PITPNC1: variants seen among roughly 807,000 people sequenced by gnomAD.
The protein encoded by PITPNC1 is phosphatidylinositol transfer protein cytoplasmic 1.
In PITPNC1, 18 loss-of-function variants were observed where a neutral mutation model predicts 44.7. The observed-to-expected ratio is 0.40, with a 90% confidence interval of 0.28 to 0.60. PITPNC1 has a LOEUF of 0.60. Ranked by LOEUF, PITPNC1 falls within the 20% of genes least tolerant of loss-of-function variation. The pLI, the probability that PITPNC1 is intolerant of heterozygous loss-of-function variation, is 0.39. For missense variants in PITPNC1, 290 were observed against 418.4 expected (o/e 0.69, Z 2.68); for synonymous variants, 141 against 149.6 (o/e 0.94, Z 0.42).
chr17:67,450,686 C>CA (rs1182257935), intron 1 of PITPNC1, among the ~76,000 whole-genome samples: 1 of 152,180 alleles, frequency 6.6e-6, no homozygotes, highest in Non-Finnish European at 1.5e-5. Context: ...ATCAGACTCC[C>CA]AGAGTGCTGG....
At chr17:67,392,680 G>C (rs1196186269) in intron 1 of PITPNC1, among the ~76,000 whole-genome samples, 1 of 152,104 alleles carries the variant, frequency 6.6e-6, no homozygotes. Context: ...GATTCCCCAG[G>C]GGAGAGTCAA....
At position 67,403,662 on chromosome 17, in the gene PITPNC1, C is replaced by A. The variant is rs1320762538; in HGVS notation, c.48+25460C>A. On this transcript the variant is annotated intron_variant, in intron 1 of 8. Transcript: ENST00000581322. Reference sequence around the variant, plus strand: ...GATCCTATTATCTTCATTTAACAGACGTGGAAATTGAGGCTTAGAGGATTT... The same window carrying A: ...GATCCTATTATCTTCATTTAACAGAAGTGGAAATTGAGGCTTAGAGGATTT... 6.6e-5 allele frequency among the ~76,000 whole-genome samples: 10 copies of A among 152,200 alleles called. No homozygotes were observed. In the South Asian group the frequency reaches 2.1e-3, roughly 32 times the overall value.
intron 1 of PITPNC1, among the ~76,000 whole-genome samples, chr17:67,407,124 C>T (rs186756896): frequency 1.4e-3 from 210 of 152,286 alleles, no homozygotes; most frequent in African/African-American, 4.7e-3. Flanking sequence ...TTTACATTCC[C>T]ACCTACAGTG....
At chr17:67,586,939 A>C (rs1442875867) in intron 5 of PITPNC1, among the ~76,000 whole-genome samples, 2 of 152,102 alleles carry the variant, frequency 1.3e-5, no homozygotes, top group African/African-American at 4.8e-5. Context: ...GAGGATAAAG[A>C]GGGGAGGAAG....
chr17:67,550,065 C>A (rs1227899972), intron 2 of PITPNC1, among the ~76,000 whole-genome samples: 1 of 152,174 alleles, frequency 6.6e-6, no homozygotes, highest in Non-Finnish European at 1.5e-5. Context: ...GAGTTGCACT[C>A]CAACTTCGGT....
At chr17:67,420,515 C>T (rs887476581) in intron 1 of PITPNC1, among the ~76,000 whole-genome samples, 2 of 151,836 alleles carry the variant, frequency 1.3e-5, no homozygotes, top group Non-Finnish European at 2.9e-5. Flanking sequence ...TCACTGCAAC[C>T]TCCACCTCCT....
chr17:67,591,876 A>ATTT (rs573013337), intron 5 of PITPNC1, among the ~76,000 whole-genome samples: 25 of 139,894 alleles, frequency 1.8e-4, no homozygotes, highest in African/African-American at 5.3e-4. Flanking sequence ...TGCCCAGCTA[A>ATTT]TTTTTTTTTT....
intron 1 of PITPNC1, among the ~76,000 whole-genome samples, chr17:67,458,135 T>C (rs1389954694): frequency 6.6e-6 from 1 of 152,182 alleles, no homozygotes; most frequent in Non-Finnish European, 1.5e-5. Flanking sequence ...TACCCAGTAC[T>C]CCTTTCTTCT....
rs180845311 is a variant in PITPNC1, at chr17:67,544,854, T to C, written c.198-7403T>C. Among the ~76,000 whole-genome samples, 320 of 152,288 alleles carry C rather than the reference T, an allele frequency of 2.1e-3. 1 individual carries two copies. Among genetic ancestry groups the C allele is most frequent in the African/African-American group, 7.4e-3 (308 of 41,550 alleles). On this transcript the variant is annotated intron_variant, in intron 2 of 8. Transcript: ENST00000581322. ...CCAAAATAAGCTCAGTGCCCAGAACTTGTGTGGCTTTGGGATATTCCACTG... is the reference window on the plus strand; with the variant it reads ...CCAAAATAAGCTCAGTGCCCAGAACCTGTGTGGCTTTGGGATATTCCACTG...
chr17:67,600,196 A>G (rs978019733), intron 5 of PITPNC1, among the ~76,000 whole-genome samples: 1 of 152,148 alleles, frequency 6.6e-6, no homozygotes, highest in African/African-American at 2.4e-5. Flanking sequence ...TTCTGCTCTT[A>G]GAAGGCAACT....
intron 1 of PITPNC1, among the ~76,000 whole-genome samples, chr17:67,381,326 CAA>C (rs1221190761): frequency 4.1e-4 from 21 of 51,126 alleles, no homozygotes; most frequent in Admixed American, 4.8e-4. Context: ...AGACTCCACT[CAA>C]AAAAAAAAAA....
intron 5 of PITPNC1, among the ~76,000 whole-genome samples, chr17:67,608,234 T>TAA (rs150137801): frequency 0.057 from 7,003 of 122,202 alleles, 232 homozygotes; most frequent in Admixed American, 0.11. Flanking sequence ...AAATGTCAAT[T>TAA]AAAAAAAAAA....
intron 8 of PITPNC1, among the ~76,000 whole-genome samples, chr17:67,689,382 G>A (rs965436466): frequency 5.3e-5 from 8 of 152,084 alleles, no homozygotes; most frequent in African/African-American, 9.7e-5. Context: ...GCCTGCCACC[G>A]GAGAAGTTAC....
chr17:67,440,450 C>T (rs2038996918), intron 1 of PITPNC1, among the ~76,000 whole-genome samples: 1 of 152,006 alleles, frequency 6.6e-6, no homozygotes, highest in South Asian at 2.1e-4. Context: ...ATTACTCAAC[C>T]TCTGTAACTT....
In PITPNC1 at chr17:67,412,402, G is replaced by A. The variant is rs182520727; in HGVS notation, c.48+34200G>A. The stretch of plus-strand genomic sequence containing the variant: ...TGGAATTAGCCAAGTTCTCCAACTC[G>A]ACTGGAGACTAGGTTAAAATCTCAA... On this transcript the variant is annotated intron_variant, in intron 1 of 8. Transcript: ENST00000581322. 4.6e-5 allele frequency among the ~76,000 whole-genome samples: 7 copies of A among 152,166 alleles called. No homozygotes were observed. The South Asian group carries it at 1.2e-3, about 27-fold the overall frequency.
intron 1 of PITPNC1, among the ~76,000 whole-genome samples, chr17:67,433,797 G>A (rs537791535): frequency 7.2e-5 from 11 of 152,086 alleles, no homozygotes; most frequent in Non-Finnish European, 1.5e-4. Flanking sequence ...GGAGGCTGAC[G>A]CAGGAGGATC....
chr17:67,482,732 C>T (rs866188196), intron 1 of PITPNC1, among the ~76,000 whole-genome samples: 10 of 152,222 alleles, frequency 6.6e-5, no homozygotes, highest in Middle Eastern at 3.4e-3. Flanking sequence ...CCCCATAAGG[C>T]GAGAATTATT....
intron 6 of PITPNC1, among the ~76,000 whole-genome samples, chr17:67,654,623 C>T (rs570178830): frequency 6.6e-6 from 1 of 152,224 alleles, no homozygotes; most frequent in East Asian, 1.9e-4. Flanking sequence ...CTTGCAACAA[C>T]CCGCAAGGAA....
chr17:67,532,716 T>C (rs2040479128), intron 1 of PITPNC1, 86 bp from the exon 2 acceptor site: 2 of 1,073,346 alleles, frequency 1.9e-6, no homozygotes, highest in South Asian at 1.6e-5. Flanking sequence ...GCTGATGTTA[T>C]TAGTGGCTTG....
Sources: allele counts gnomAD v4.1 joint callset (sites outside exome capture counted in the v4.1 genomes callset), GRCh38; gene constraint gnomAD v4.1.1; transcripts MANE v1.5; gene names NCBI Gene and HGNC (gene_info 2026-07-23, HGNC 2026-07-21).